INTS2: variants seen among roughly 807,000 people sequenced by gnomAD.
The protein encoded by INTS2 is KIAA1287.
In INTS2, 57 loss-of-function variants were observed where a neutral mutation model predicts 139.6. The observed-to-expected ratio is 0.41, with a 90% CI of 0.33 to 0.51. The LOEUF (loss-of-function observed/expected upper bound fraction) is 0.51. INTS2 is among the 20% of genes least tolerant of loss of function. The probability of loss-of-function intolerance (pLI) is 0.28; values close to 1 mark genes in which losing one functional copy is unlikely to be tolerated. For missense variants in INTS2, 1,196 were observed against 1,436.7 expected (o/e 0.83, Z 2.71); for synonymous variants, 473 against 493.4 (o/e 0.96, Z 0.55).
intron 9 of INTS2, among the ~76,000 whole-genome samples, chr17:61,902,517 CAG>C (rs2079416880): frequency 6.6e-6 from 1 of 151,970 alleles, no homozygotes; most frequent in African/African-American, 2.4e-5. Context: ...AGTGTATATA[CAG>C]AGTTATGCAA....
intron 11 of INTS2, among the ~76,000 whole-genome samples, chr17:61,895,696 G>GTGTGTC (rs1348566734): frequency 6.6e-6 from 1 of 152,036 alleles, no homozygotes; most frequent in Non-Finnish European, 1.5e-5. Context: ...GTGTGTATGT[G>GTGTGTC]TGTGTCTGTG....
At position 61,872,495 on chromosome 17, in the gene INTS2, G is replaced by A; in HGVS notation, c.2583-35C>T. 7.4e-7 allele frequency: 1 copy of A among 1,354,020 alleles called. No individual in the cohort carries two copies. The highest frequency in any genetic ancestry group is 1.5e-5 in the South Asian group (1 of 68,228). The allele number at this position is 1,354,020 out of a possible 1,614,324, so 83.9% of individuals were successfully genotyped here. On this transcript the variant is annotated intron_variant, in intron 19 of 24. Transcript: ENST00000251334. The surrounding 1 kb of genome is among the most constrained non-coding windows in gnomAD (Gnocchi z 4.8). ...GAAAGCAGAAAAGAAAAATATATCA[G>A]AAAGAATATAAATTTATAAATTAGC... is the stretch of plus-strand genomic sequence containing the variant.
chr17:61,927,691 G>T lies in INTS2; in HGVS notation c.-56C>A. 7.0e-7 allele frequency: 1 copy of T among 1,437,174 alleles called. No individual in the cohort carries two copies. Among genetic ancestry groups the T allele is most frequent in the East Asian group, 2.5e-5 (1 of 39,328 alleles). 89.0% of individuals were successfully genotyped at this position (1,437,174 alleles called of 1,614,324 possible). ...CCTCCAGCCTCACGGAACCGCACAC[G>T]GACTCCGCGTCCTAGAGGCGGGACG... On this transcript the variant is annotated 5_prime_UTR_variant, in exon 1 of 25. Coordinates refer to ENST00000251334, the MANE Select transcript of INTS2 (RefSeq NM_001351695.2).
chr17:61,908,611 A>G (rs765315128), intron 7 of INTS2, among the ~76,000 whole-genome samples: 1 of 152,166 alleles, frequency 6.6e-6, no homozygotes, highest in Non-Finnish European at 1.5e-5. Context: ...GGCTAGACAA[A>G]TGTTAATTAT....
In INTS2 at chr17:61,872,257, A is replaced by T; in HGVS notation, c.2778+8T>A. On this transcript the variant is annotated splice_region_variant and intron_variant, in intron 20 of 24. Transcript: ENST00000251334. The surrounding 1 kb of genome is among the most constrained non-coding windows in gnomAD (Gnocchi z 4.8). ...TTTTTGACTAAATTTTACTTTAGCA[A>T]AATTTACCTGAGCGGCCAGTAATGC... 6.2e-7 allele frequency: 1 copy of T among 1,605,546 alleles called. No homozygotes were observed. Among genetic ancestry groups the T allele is most frequent in the African/African-American group, 1.3e-5 (1 of 74,818 alleles).
Position 61,868,486 on chromosome 17 carries a change from A to G in INTS2, c.3245-477T>C, listed in dbSNP as rs1323888009. On this transcript the variant is annotated intron_variant, in intron 23 of 24. Coordinates refer to ENST00000251334, the MANE Select transcript of INTS2 (RefSeq NM_001351695.2). This position sits in a 1 kb window ranked among gnomAD's most constrained non-coding sequence, Gnocchi z 4.7. ...AATATTATAATGAGAAAGAATACTAAGTTAACTATGCCATTACATTAAGGG... is the reference window on the plus strand; with the variant it reads ...AATATTATAATGAGAAAGAATACTAGGTTAACTATGCCATTACATTAAGGG... Among the ~76,000 whole-genome samples, 2 of 152,174 alleles carry G rather than the reference A, an allele frequency of 1.3e-5. No homozygotes were observed. Among genetic ancestry groups the G allele is most frequent in the Non-Finnish European group, 2.9e-5 (2 of 67,986 alleles).
intron 9 of INTS2, among the ~76,000 whole-genome samples, chr17:61,900,457 T>G (rs946101835): frequency 1.3e-5 from 2 of 152,164 alleles, no homozygotes; most frequent in Non-Finnish European, 2.9e-5. Flanking sequence ...ATTCTGAAAG[T>G]AGGAGAATTA....
chr17:61,907,429 A>G lies in INTS2; in HGVS notation c.1160T>C (p.Leu387Ser), dbSNP rs2079476699. The G allele has an allele frequency of 6.3e-7, 1 of 1,592,042 alleles. No individual in the cohort carries two copies. Among genetic ancestry groups the G allele is most frequent in the African/African-American group, 1.3e-5 (1 of 74,674 alleles). The change falls in exon 8 of 25, where the codon TTG (leucine) becomes TCG (serine). Residue 387 changes from leucine to serine, a missense_variant. Leu to Ser is a moderately radical substitution (Grantham distance 145). Around this residue, in one of 3 missense-constraint regions of INTS2, gnomAD observed 1,129 missense variants for 1,341.9 expected, o/e 0.84. Transcript: ENST00000251334. Reference protein sequence around the residue: ...ASALLRLYCALMGIAGLKPTE... With the variant: ...ASALLRLYCASMGIAGLKPTE... ...ATACTTGAGTCCAGCGATCCCCATC[A>G]AAGCACAGTACAGACGTAAGAGTGC...
intron 5 of INTS2, among the ~76,000 whole-genome samples, chr17:61,918,323 C>T (rs1057149393): frequency 6.6e-6 from 1 of 152,110 alleles, no homozygotes; most frequent in Non-Finnish European, 1.5e-5. Flanking sequence ...CTCGCTGCAA[C>T]CTCCACCTCA....
intron 9 of INTS2, among the ~76,000 whole-genome samples, chr17:61,903,467 G>C (rs985676532): frequency 1.3e-5 from 2 of 151,810 alleles, no homozygotes; most frequent in Non-Finnish European, 2.9e-5. Context: ...ATACTACCAG[G>C]TATACCTGGT....
chr17:61,907,311 T>G, intron 8 of INTS2, 97 bp downstream of exon 8: 4 of 1,039,326 alleles, frequency 3.8e-6, no homozygotes, highest in Non-Finnish European at 5.7e-6. Context: ...AACAGAAAAC[T>G]TTAATCCTCT....
intron 15 of INTS2, among the ~76,000 whole-genome samples, chr17:61,886,247 C>T (rs1315514411): frequency 1.3e-5 from 2 of 152,018 alleles, no homozygotes; most frequent in Non-Finnish European, 2.9e-5. Flanking sequence ...GACGGGGTTT[C>T]GCCATATTGG....
intron 9 of INTS2, among the ~76,000 whole-genome samples, chr17:61,904,063 G>A (rs1219005524): frequency 6.6e-6 from 1 of 152,032 alleles, no homozygotes; most frequent in Non-Finnish European, 1.5e-5. Flanking sequence ...AAATCCTGAA[G>A]AACTATTTCG....
intron 3 of INTS2, among the ~76,000 whole-genome samples, chr17:61,923,001 C>T (rs2079663613): frequency 6.6e-6 from 1 of 151,528 alleles, no homozygotes; most frequent in South Asian, 2.1e-4. Flanking sequence ...CGCTTTAACC[C>T]AGGAGGCAAA....
intron 1 of INTS2, 176 bp from the exon 2 acceptor site, chr17:61,926,838 G>A (rs2143202464): frequency 1.6e-6 from 1 of 637,182 alleles, no homozygotes; most frequent in Non-Finnish European, 2.8e-6. Context: ...TGTCACCTGG[G>A]AAATGGGAAA....
Position 61,891,628 on chromosome 17 carries a change from A to G in INTS2, c.1760T>C (p.Leu587Ser), listed in dbSNP as rs561687579. 1 of 1,613,246 alleles carries G rather than the reference A, an allele frequency of 6.2e-7. No homozygotes were observed. The highest frequency in any genetic ancestry group is 1.1e-5 in the South Asian group (1 of 91,062). Residue 587 changes from leucine to serine, a missense_variant, in exon 14 of 25, where the codon TTG (leucine) becomes TCG (serine). Physicochemically the swap from Leu to Ser is moderately radical, Grantham distance 145. Coordinates refer to ENST00000251334, the MANE Select transcript of INTS2 (RefSeq NM_001351695.2). The stretch of plus-strand genomic sequence containing the variant: ...TATAGAATTTATGTACACATCAATC[A>G]AAGGAAGTAATTGAGGATGAAGTGG... ...STPLHPQLLP[L>S]IDVYINSILT...
intron 1 of INTS2, among the ~76,000 whole-genome samples, chr17:61,926,880 C>G (rs2079721362): frequency 6.6e-6 from 1 of 152,128 alleles, no homozygotes; most frequent in Admixed American, 6.6e-5. Context: ...CTCTTCCAGC[C>G]TCAGGAATCT....
At chr17:61,906,595 G>GT in intron 8 of INTS2, among the ~76,000 whole-genome samples, 1 of 152,182 alleles carries the variant, frequency 6.6e-6, no homozygotes, top group South Asian at 2.1e-4. Flanking sequence ...ATAAACTGGC[G>GT]TAACTGAAAC....
Position 61,927,644 on chromosome 17 carries a change from C to T in INTS2, c.-19+10G>A. On this transcript the variant is annotated intron_variant, in intron 1 of 24. Coordinates refer to ENST00000251334, the MANE Select transcript of INTS2 (RefSeq NM_001351695.2). The stretch of plus-strand genomic sequence containing the variant: ...AACGCGCTGAGGCCAGAGAAGCGGA[C>T]GCTTCATACCTTAAGATCTACCCTC... The T allele has an allele frequency of 7.4e-7, 1 of 1,357,202 alleles. No homozygotes were observed. Among genetic ancestry groups the T allele is most frequent in the Non-Finnish European group, 9.5e-7 (1 of 1,053,236 alleles). 84.1% of individuals were successfully genotyped at this position (1,357,202 alleles called of 1,614,324 possible).
Sources: gnomAD v4.1 joint callset for allele counts (sites outside exome capture counted in the v4.1 genomes callset) on GRCh38, gnomAD v4.1.1 for gene constraint, gnomAD v4.1.1 regional missense constraint, Gnocchi (gnomAD v3.1) non-coding constraint, MANE v1.5 for transcripts, NCBI Gene and HGNC (gene_info 2026-07-23, HGNC 2026-07-21) for gene names.